The following GRIK2 variants were observed in gnomAD, a reference collection of about 807,000 sequenced individuals.
GRIK2 encodes the protein glutamate ionotropic receptor kainate type subunit 2.
A neutral mutation model predicts 100.3 loss-of-function variants in GRIK2; 32 were observed. The observed-to-expected ratio is 0.32, with a 90% CI of 0.24 to 0.43. GRIK2 has a LOEUF of 0.43. GRIK2 is among the 20% of genes least tolerant of loss of function. The probability of loss-of-function intolerance (pLI) is 1.00; values close to 1 mark genes in which losing one functional copy is unlikely to be tolerated. For missense variants in GRIK2, 843 were observed against 1,114.9 expected (o/e 0.76, Z 3.47); for synonymous variants, 417 against 389.4 (o/e 1.07, Z -0.83).
At chr6:101,967,006 G>T (rs1232608305) in intron 14 of GRIK2, among the ~76,000 whole-genome samples, 1 of 151,846 alleles carries the variant, frequency 6.6e-6, no homozygotes, top group Non-Finnish European at 1.5e-5. Context: ...GTTACCTAAA[G>T]ATCTTGAAAA....
intron 15 of GRIK2, among the ~76,000 whole-genome samples, chr6:102,045,419 T>C (rs955266576): frequency 6.6e-6 from 1 of 152,074 alleles, no homozygotes; most frequent in African/African-American, 2.4e-5. Flanking sequence ...AAGGTGTACA[T>C]AGAAAAGGAA....
chr6:101,786,525 T>A (rs1039231182), intron 7 of GRIK2, among the ~76,000 whole-genome samples: 2 of 152,140 alleles, frequency 1.3e-5, no homozygotes, highest in Non-Finnish European at 2.9e-5. Context: ...TTTTATCAAA[T>A]GTTTTTCTGT....
chr6:101,400,910 C>T (rs2579929), intron 2 of GRIK2, among the ~76,000 whole-genome samples: 21,989 of 152,186 alleles, frequency 0.14, 1,812 homozygotes, highest in Non-Finnish European at 0.18. Context: ...TTGCTCTTAG[C>T]AACAAGCATC....
chr6:101,954,408 A>G (rs1339917375), intron 14 of GRIK2, among the ~76,000 whole-genome samples: 4 of 152,006 alleles, frequency 2.6e-5, no homozygotes, highest in Non-Finnish European at 2.9e-5. Context: ...TTTCACTTTT[A>G]TTATTAGATC....
chr6:102,000,352 T>C lies in GRIK2; in HGVS notation c.2086-34989T>C, dbSNP rs181496615. Among the ~76,000 whole-genome samples the C allele has an allele frequency of 3.4e-4, 51 of 151,152 alleles. 1 individual carries two copies. The highest frequency in any genetic ancestry group is 1.1e-3 in the African/African-American group (47 of 41,194). On this transcript the variant is annotated intron_variant, in intron 14 of 16. Transcript: ENST00000369134. ...GGAAATATTGCTTGAAGCTGAAGTT[T>C]AGGGTAATGGTCCTATCACCTGGGT...
chr6:101,778,842 A>G (rs936253976), intron 7 of GRIK2, among the ~76,000 whole-genome samples: 2 of 152,200 alleles, frequency 1.3e-5, no homozygotes, highest in African/African-American at 2.4e-5. Flanking sequence ...AAGGAAATGT[A>G]TAATGTGATA....
At chr6:101,540,194 T>G (rs547599432) in intron 2 of GRIK2, among the ~76,000 whole-genome samples, 4 of 151,948 alleles carry the variant, frequency 2.6e-5, no homozygotes, top group Non-Finnish European at 5.9e-5. Flanking sequence ...TTGAGTTTAT[T>G]CTGACAATTT....
At chr6:101,797,616 ATATT>A (rs1488413032) in intron 7 of GRIK2, among the ~76,000 whole-genome samples, 6 of 148,084 alleles carry the variant, frequency 4.1e-5, no homozygotes, top group African/African-American at 1.5e-4. Flanking sequence ...CTATAAATAT[ATATT>A]ATCTGTACAT....
chr6:101,424,476 A>G (rs999507355), intron 2 of GRIK2, among the ~76,000 whole-genome samples: 3 of 151,492 alleles, frequency 2.0e-5, no homozygotes. Context: ...AGCTTCATCC[A>G]TGTCCCTACA....
At chr6:101,715,148 A>G (rs1562329603) in intron 7 of GRIK2, among the ~76,000 whole-genome samples, 1 of 151,848 alleles carries the variant, frequency 6.6e-6, no homozygotes, top group Non-Finnish European at 1.5e-5. Context: ...GTTTCTTCTC[A>G]ATTTGTTTAA....
At chr6:101,977,841 A>G (rs1229847425) in intron 14 of GRIK2, among the ~76,000 whole-genome samples, 2 of 151,942 alleles carry the variant, frequency 1.3e-5, no homozygotes, top group African/African-American at 4.8e-5. Flanking sequence ...TTTCTTTCCT[A>G]GAAATACTCT....
chr6:101,595,782 A>C (rs1041366604), intron 2 of GRIK2, among the ~76,000 whole-genome samples: 1 of 147,616 alleles, frequency 6.8e-6, no homozygotes, highest in Non-Finnish European at 1.5e-5. Context: ...GGAGTCTCCA[A>C]CTCCTTGAAT....
chr6:101,963,046 T>C (rs1381828795), intron 14 of GRIK2, among the ~76,000 whole-genome samples: 2 of 151,698 alleles, frequency 1.3e-5, no homozygotes, highest in Non-Finnish European at 2.9e-5. Flanking sequence ...CAGATTAGAA[T>C]TTAATGTTAT....
chr6:101,898,282 AGAAGAAAATG>A (rs1787609308), intron 12 of GRIK2, among the ~76,000 whole-genome samples: 2 of 151,922 alleles, frequency 1.3e-5, no homozygotes, highest in South Asian at 4.1e-4. Flanking sequence ...AAATAAATTT[AGAAGAAAATG>A]GAAAACATAT....
Position 101,996,717 on chromosome 6 carries a change from A to G in GRIK2, c.2086-38624A>G, listed in dbSNP as rs547179416. 1.1e-4 allele frequency among the ~76,000 whole-genome samples: 16 copies of G among 152,258 alleles called. No individual in the cohort carries two copies. In the South Asian group the frequency reaches 1.7e-3, roughly 16 times the overall value. On this transcript the variant is annotated intron_variant, in intron 14 of 16. Transcript: ENST00000369134. ...ATTCAAGAAGCAGGAAGTGAGGGACAGAGTCCTGTAGTTGGCCTTAAAATC... is the reference window on the plus strand; with the variant it reads ...ATTCAAGAAGCAGGAAGTGAGGGACGGAGTCCTGTAGTTGGCCTTAAAATC...
At chr6:101,849,280 T>C (rs1783981818) in intron 10 of GRIK2, among the ~76,000 whole-genome samples, 1 of 152,040 alleles carries the variant, frequency 6.6e-6, no homozygotes, top group Admixed American at 6.6e-5. Flanking sequence ...GGCAGAGGGT[T>C]ATCCTTTGTT....
Position 101,998,453 on chromosome 6 carries a change from C to T in GRIK2, c.2086-36888C>T, listed in dbSNP as rs76553927. 5.7e-3 allele frequency among the ~76,000 whole-genome samples: 861 copies of T among 152,074 alleles called. 8 individuals carry two copies. Among genetic ancestry groups the T allele is most frequent in the African/African-American group, 0.019 (808 of 41,500 alleles). ...CCTCTTAAAAGTGGCTCTGGAATAG[C>T]GGAATCACTCAAGTTTAATGAAACC... On this transcript the variant is annotated intron_variant, in intron 14 of 16. Transcript: ENST00000369134.
intron 7 of GRIK2, among the ~76,000 whole-genome samples, chr6:101,792,075 T>C (rs1268146080): frequency 6.6e-6 from 1 of 151,982 alleles, no homozygotes; most frequent in Non-Finnish European, 1.5e-5. Flanking sequence ...TCTTCCTCCA[T>C]CCTTTTATTT....
chr6:101,926,195 G>GT lies in GRIK2; in HGVS notation c.1867+1500dup, dbSNP rs35007201. On this transcript the variant is annotated intron_variant, in intron 13 of 16. Coordinates refer to ENST00000369134, the MANE Select transcript of GRIK2 (RefSeq NM_021956.5). ...ATTTTCTTACATTTTGGGTCCAAGGGTTTTTTTTTTTTTTTTTTTTTTTTC... is the reference window on the plus strand; with the variant it reads ...ATTTTCTTACATTTTGGGTCCAAGGGTTTTTTTTTTTTTTTTTTTTTTTTTC... Among the ~76,000 whole-genome samples the GT allele has an allele frequency of 5.7e-3, 732 of 127,388 alleles. 2 individuals carry two copies. The highest frequency in any genetic ancestry group is 0.012 in the African/African-American group (402 of 33,370). The allele number at this position is 127,388 out of a possible 152,430, so 83.6% of individuals were successfully genotyped here. A position where few individuals can be genotyped will look rare whatever the true frequency, so the allele number is the denominator to read the frequency against.
Sources: gnomAD v4.1 joint callset for allele counts (sites outside exome capture counted in the v4.1 genomes callset) on GRCh38, gnomAD v4.1.1 for gene constraint, MANE v1.5 for transcripts, NCBI Gene and HGNC (gene_info 2026-07-23, HGNC 2026-07-21) for gene names.